NRG3: variants seen among roughly 807,000 people sequenced by gnomAD.
NRG3 encodes pro-neuregulin-3, membrane-bound isoform.
A neutral mutation model predicts 66.9 loss-of-function variants in NRG3; 31 were observed. The ratio of observed to expected loss-of-function variants is 0.46; its 90% confidence interval spans 0.35 to 0.63. The LOEUF is 0.63. Among genes scored for constraint, NRG3 ranks in the 20% least tolerant of loss-of-function variants. The pLI, the probability that NRG3 is intolerant of heterozygous loss-of-function variation, is 0.00. For missense variants in NRG3, 910 were observed against 878.9 expected, an observed-to-expected ratio of 1.04 and a Z score of -0.45; for synonymous variants, 393 against 359.4, an observed-to-expected ratio of 1.09 and a Z score of -1.06.
chr10:82,689,667 C>G (rs888868268), intron 2 of NRG3, among the ~76,000 whole-genome samples: 9 of 152,176 alleles, frequency 5.9e-5, no homozygotes, highest in Non-Finnish European at 1.3e-4. Context: ...GGGGAGAATA[C>G]TCAATTATGT....
intron 2 of NRG3, among the ~76,000 whole-genome samples, chr10:82,411,623 T>C (rs2088098458): frequency 6.6e-6 from 1 of 152,186 alleles, no homozygotes; most frequent in Admixed American, 6.6e-5. Flanking sequence ...AAAACTATGA[T>C]GTCTCTCTTA....
At chr10:82,942,922 A>G (rs1390357825) in intron 4 of NRG3, among the ~76,000 whole-genome samples, 2 of 152,142 alleles carry the variant, frequency 1.3e-5, no homozygotes, top group Non-Finnish European at 2.9e-5. Context: ...CAAAACCACA[A>G]TTGAGAAATA....
chr10:82,090,931 C>T (rs1236656602), intron 1 of NRG3, among the ~76,000 whole-genome samples: 1 of 152,142 alleles, frequency 6.6e-6, no homozygotes. Context: ...GTTGCAAAGA[C>T]TCCTGCCTCA....
At chr10:82,483,617 C>G (rs1319483327) in intron 2 of NRG3, among the ~76,000 whole-genome samples, 1 of 152,206 alleles carries the variant, frequency 6.6e-6, no homozygotes, top group Non-Finnish European at 1.5e-5. Context: ...ATTTCACACA[C>G]AAACACACAC....
At chr10:82,046,141 C>T (rs184492635) in intron 1 of NRG3, among the ~76,000 whole-genome samples, 1 of 147,632 alleles carries the variant, frequency 6.8e-6, no homozygotes, top group Non-Finnish European at 1.5e-5. Context: ...GGCATTGAAT[C>T]TATAAATTAC....
intron 2 of NRG3, among the ~76,000 whole-genome samples, chr10:82,721,279 C>T (rs1276435991): frequency 1.3e-5 from 2 of 150,670 alleles, no homozygotes; most frequent in Non-Finnish European, 1.5e-5. Context: ...CTACAGGTGC[C>T]CTCCACCATG....
intron 2 of NRG3, among the ~76,000 whole-genome samples, chr10:82,706,918 C>T (rs2056328353): frequency 6.6e-6 from 1 of 151,426 alleles, no homozygotes; most frequent in Admixed American, 6.6e-5. Context: ...TGCATGAACC[C>T]AGGAGGCGGA....
At chr10:82,263,230 A>C (rs918604061) in intron 1 of NRG3, among the ~76,000 whole-genome samples, 3 of 152,070 alleles carry the variant, frequency 2.0e-5, no homozygotes, top group Non-Finnish European at 4.4e-5. Context: ...TGAGGGAAGA[A>C]AATAAAGAAA....
chr10:82,704,907 AGAAT>A (rs934620148), intron 2 of NRG3, among the ~76,000 whole-genome samples: 2 of 152,242 alleles, frequency 1.3e-5, no homozygotes, highest in Admixed American at 6.5e-5. Context: ...GAATATGCTC[AGAAT>A]ATTACATCAA....
At chr10:82,064,927 A>G (rs772172215) in intron 1 of NRG3, among the ~76,000 whole-genome samples, 55 of 152,152 alleles carry the variant, frequency 3.6e-4, no homozygotes, top group Non-Finnish European at 6.5e-4. Flanking sequence ...CCATATAACA[A>G]CTATTCATGC....
At chr10:82,548,535 A>T (rs1040830805) in intron 2 of NRG3, among the ~76,000 whole-genome samples, 23 of 150,050 alleles carry the variant, frequency 1.5e-4, no homozygotes, top group African/African-American at 5.5e-4. Flanking sequence ...ACACACACAC[A>T]CACACACACA....
At chr10:81,910,756 T>C (rs1845058903) in intron 1 of NRG3, among the ~76,000 whole-genome samples, 1 of 152,154 alleles carries the variant, frequency 6.6e-6, no homozygotes, top group Non-Finnish European at 1.5e-5. Context: ...CAAGTGACCC[T>C]TCCACCTATG....
intron 3 of NRG3, among the ~76,000 whole-genome samples, chr10:82,772,865 C>T (rs760374770): frequency 1.3e-5 from 2 of 151,896 alleles, no homozygotes; most frequent in Non-Finnish European, 2.9e-5. Flanking sequence ...GCCACCGTGA[C>T]CAACTAATTT....
chr10:82,479,416 T>C (rs1217717949), intron 2 of NRG3, among the ~76,000 whole-genome samples: 2 of 150,542 alleles, frequency 1.3e-5, no homozygotes, highest in African/African-American at 2.4e-5. Context: ...GTAAAAAAAC[T>C]GGCCGGGCGC....
At chr10:82,606,478 A>G (rs887683199) in intron 2 of NRG3, among the ~76,000 whole-genome samples, 5 of 152,170 alleles carry the variant, frequency 3.3e-5, no homozygotes, top group African/African-American at 1.2e-4. Context: ...TCTTGAGAAT[A>G]TGTATTCTGA....
chr10:82,130,889 C>T (rs1012565237), intron 1 of NRG3, among the ~76,000 whole-genome samples: 1 of 151,982 alleles, frequency 6.6e-6, no homozygotes, highest in African/African-American at 2.4e-5. Context: ...AATCAGATTA[C>T]TGGACTTTTT....
At chr10:82,865,495 C>T in intron 4 of NRG3, 58 bp downstream of exon 4, 1 of 1,510,114 alleles carries the variant, frequency 6.6e-7, no homozygotes, top group Admixed American at 1.8e-5. Context: ...TTATGATGTA[C>T]ATAGTGCTTT....
intron 1 of NRG3, among the ~76,000 whole-genome samples, chr10:82,304,210 T>A (rs2134832905): frequency 6.6e-6 from 1 of 152,352 alleles, no homozygotes; most frequent in African/African-American, 2.4e-5. Context: ...AAAAATTGTA[T>A]CGCTGTGCAA....
chr10:82,307,156 C>A (rs1444404950), intron 1 of NRG3, among the ~76,000 whole-genome samples: 3 of 151,886 alleles, frequency 2.0e-5, no homozygotes, highest in Admixed American at 6.6e-5. Context: ...TATTAAAGGG[C>A]AAATGTTTTA....
Sources: gnomAD v4.1 joint callset for allele counts (sites outside exome capture counted in the v4.1 genomes callset) on GRCh38, gnomAD v4.1.1 for gene constraint, MANE v1.5 for transcripts, NCBI Gene and HGNC (gene_info 2026-07-23, HGNC 2026-07-21) for gene names.